The following IFT172 variants were observed in gnomAD, a reference collection of about 807,000 sequenced individuals.
The protein encoded by IFT172 is intraflagellar transport protein 172 homolog.
In IFT172, 164 loss-of-function variants were observed where a neutral mutation model predicts 248.9. That is an observed-to-expected ratio of 0.66 (90% CI 0.58 to 0.75). The LOEUF (loss-of-function observed/expected upper bound fraction) is 0.75. Among genes scored for constraint, IFT172 ranks in the 30% least tolerant of loss-of-function variants. The pLI is 0.00. For missense variants in IFT172, 1,950 were observed against 2,192.4 expected (o/e 0.89, Z 2.21); for synonymous variants, 729 against 791.6 (o/e 0.92, Z 1.33).
At position 27,483,312 on chromosome 2, in the gene IFT172, C is replaced by T. The variant is rs1276984398; in HGVS notation, c.547G>A (p.Asp183Asn). The T allele has an allele frequency of 6.2e-7, 1 of 1,601,824 alleles. No homozygotes were observed. Among genetic ancestry groups the T allele is most frequent in the African/African-American group, 1.3e-5 (1 of 74,786 alleles). ...DGTIVRYFFD[D>N]EGSGESQGKL... is the part of the protein sequence containing the mutation. ...ACCTGTGACTCTCCAGAGCCTTCAT[C>T]ATCAAAGAAATACCTAACGATGGTA... is the stretch of plus-strand genomic sequence containing the variant. The change falls in exon 7 of 48, where the codon GAT becomes AAT. Residue 183 changes from aspartate to asparagine, a missense_variant. Asp to Asn is a conservative substitution (Grantham distance 23). Around this residue, in one of 3 missense-constraint regions of IFT172, gnomAD observed 1,166 missense variants for 1,254.1 expected, o/e 0.93. Coordinates refer to ENST00000260570, the MANE Select transcript of IFT172 (RefSeq NM_015662.3).
At position 27,471,061 on chromosome 2, in the gene IFT172, G is replaced by T. The variant is rs746692750; in HGVS notation, c.1559C>A (p.Thr520Lys). Residue 520 changes from threonine (T) to lysine (K), a missense_variant, in exon 16 of 48, where the codon ACA (threonine) becomes AAA (lysine). This residue lies in a region of IFT172 where 1,166 missense variants were observed against 1,254.1 expected (regional missense o/e 0.93). Transcript: ENST00000260570. ...HLYDIESCSK[T>K]MILNFCSYMQ... ...ATAGGAGCAGAAGTTGAGGATCATT[G>T]TCTTAGAGCAGCTTTCAATATCATA... 3 of 1,610,760 alleles carry T rather than the reference G, an allele frequency of 1.9e-6. No homozygotes were observed. Among genetic ancestry groups the T allele is most frequent in the Admixed American group, 3.4e-5 (2 of 58,780 alleles).
chr2:27,488,944 T>C (rs1668962244), intron 1 of IFT172, among the ~76,000 whole-genome samples: 1 of 152,192 alleles, frequency 6.6e-6, no homozygotes, highest in Non-Finnish European at 1.5e-5. Flanking sequence ...TGGGAGGCTA[T>C]GGCAGGAAAA....
rs141836575 is a variant in IFT172 at position 27,473,422 on chromosome 2, C to T, written c.1412-1060G>A. Among the ~76,000 whole-genome samples, 713 of 147,352 alleles carry T rather than the reference C, an allele frequency of 4.8e-3. 9 individuals carry two copies. The highest frequency in any genetic ancestry group is 0.017 in the African/African-American group (675 of 40,228). On this transcript the variant is annotated intron_variant, in intron 14 of 47. Coordinates refer to ENST00000260570, the MANE Select transcript of IFT172 (RefSeq NM_015662.3). The stretch of plus-strand genomic sequence containing the variant: ...ATAAAGCCGTATTTTTTTTTTCTCC[C>T]GCCTCAGCCTCCTGAGTAGCTGGGA...
intron 13 of IFT172, chr2:27,476,990 A>AT (rs1668001942): frequency 1.7e-6 from 1 of 590,272 alleles, no homozygotes; most frequent in Non-Finnish European, 3.0e-6. Context: ...TGCCTGGATA[A>AT]TTTTTTGTAT....
chr2:27,455,619 G>A (rs1572743645), intron 30 of IFT172: 2 of 217,158 alleles, frequency 9.2e-6, no homozygotes, highest in Non-Finnish European at 9.2e-6. Context: ...GCTGAGGCAG[G>A]AGAATGGCTT....
Position 27,445,457 on chromosome 2 carries a change from G to A in IFT172, c.4915-8C>T. The A allele has an allele frequency of 6.2e-7, 1 of 1,607,490 alleles. No homozygotes were observed. The highest frequency in any genetic ancestry group is 2.2e-5 in the East Asian group (1 of 44,764). Reference sequence around the variant, plus strand: ...CTCTTCTCTCTCAGCCTCCTGGAAAGGACAAGAAGGGAGTGGTAGCTTCAC... The same window carrying A: ...CTCTTCTCTCTCAGCCTCCTGGAAAAGACAAGAAGGGAGTGGTAGCTTCAC... On this transcript the variant is annotated splice_polypyrimidine_tract_variant and splice_region_variant and intron_variant, in intron 45 of 47. Coordinates refer to ENST00000260570, the MANE Select transcript of IFT172 (RefSeq NM_015662.3). The surrounding 1 kb of genome is among the most constrained non-coding windows in gnomAD (Gnocchi z 4.4).
In IFT172 at chr2:27,449,494, C is replaced by A; in HGVS notation, c.4224+5G>T. ...TCTGCCTCCTGCTAACTCTCCAAGT[C>A]TCACCGAGTCCACTTTGCCCTGATT... On this transcript the variant is annotated splice_donor_5th_base_variant and intron_variant, in intron 38 of 47. Transcript: ENST00000260570. The A allele has an allele frequency of 6.2e-7, 1 of 1,614,178 alleles. No individual in the cohort carries two copies. Among genetic ancestry groups the A allele is most frequent in the South Asian group, 1.1e-5 (1 of 91,078 alleles).
In IFT172 at chr2:27,461,838, T is replaced by G. The variant is rs1393522194; in HGVS notation, c.2116-2A>C. 1.2e-6 allele frequency: 2 copies of G among 1,613,950 alleles called. No individual in the cohort carries two copies. The highest frequency in any genetic ancestry group is 1.7e-5 in the Admixed American group (1 of 59,988). ...GCCCATGGCCTCCTCCACAGCATTCTAGGGGAAACAGGCAGAGCAGAGAGG... is the reference window on the plus strand; with the variant it reads ...GCCCATGGCCTCCTCCACAGCATTCGAGGGGAAACAGGCAGAGCAGAGAGG... On this transcript the variant is annotated splice_acceptor_variant, in intron 20 of 47. Coordinates refer to ENST00000260570, the MANE Select transcript of IFT172 (RefSeq NM_015662.3). LOFTEE classifies it high-confidence loss of function.
At chr2:27,468,271 C>T (rs577119016) in intron 16 of IFT172, among the ~76,000 whole-genome samples, 14 of 151,334 alleles carry the variant, frequency 9.3e-5, no homozygotes, top group African/African-American at 3.2e-4. Context: ...CTTACTCTGT[C>T]GTTCAGGCTG....
intron 21 of IFT172, 50 bp downstream of exon 21, chr2:27,461,709 A>T: frequency 4.3e-6 from 7 of 1,611,612 alleles, no homozygotes; most frequent in Non-Finnish European, 5.9e-6. Flanking sequence ...AGGTTTTTGA[A>T]ATTGGCAGAA....
chr2:27,485,827 G>T (rs1473168459), intron 1 of IFT172, among the ~76,000 whole-genome samples: 4 of 152,176 alleles, frequency 2.6e-5, no homozygotes, highest in African/African-American at 9.7e-5. Context: ...GTAAGTTTTG[G>T]TCATTAGCCA....
intron 16 of IFT172, among the ~76,000 whole-genome samples, chr2:27,466,784 G>A (rs915068691): frequency 2.0e-5 from 3 of 151,982 alleles, no homozygotes; most frequent in African/African-American, 7.3e-5. Flanking sequence ...GACCAAGGTG[G>A]GAGGAGCACT....
rs776060941 is a variant in IFT172 at position 27,454,195 on chromosome 2, G to A, written c.3531-33C>T. On this transcript the variant is annotated intron_variant, in intron 32 of 47. Transcript: ENST00000260570. The surrounding 1 kb of genome is among the most constrained non-coding windows in gnomAD (Gnocchi z 4.2). Reference sequence around the variant, plus strand: ...CAGGTGGGGACAGAGGAGAGACTGAGTATAGGACTGAGGCCCCAATAGTGG... The same window carrying A: ...CAGGTGGGGACAGAGGAGAGACTGAATATAGGACTGAGGCCCCAATAGTGG... The A allele has an allele frequency of 5.0e-6, 8 of 1,605,586 alleles. No homozygotes were observed. The highest frequency in any genetic ancestry group is 1.7e-5 in the Admixed American group (1 of 59,556).
chr2:27,454,674 T>C lies in IFT172; in HGVS notation c.3372-14A>G. 1 of 1,612,782 alleles carries C rather than the reference T, an allele frequency of 6.2e-7. No homozygotes were observed. Among genetic ancestry groups the C allele is most frequent in the Non-Finnish European group, 8.5e-7 (1 of 1,179,052 alleles). ...AATTCAAAGGAGCTGAAACAGAAAG[T>C]GCAGATAAAGTTTTCTTGCTTCATG... On this transcript the variant is annotated splice_polypyrimidine_tract_variant and intron_variant, in intron 30 of 47. Transcript: ENST00000260570. The surrounding 1 kb of genome is among the most constrained non-coding windows in gnomAD (Gnocchi z 4.2).
intron 9 of IFT172, 26 bp downstream of exon 9, chr2:27,480,000 C>A: frequency 6.2e-7 from 1 of 1,604,276 alleles, no homozygotes; most frequent in African/African-American, 1.3e-5. Context: ...AGTCACCAAT[C>A]CAGAAAGGGA....
intron 3 of IFT172, 151 bp from the exon 4 acceptor site, chr2:27,484,417 C>A (rs183743342): frequency 1.1e-3 from 798 of 699,358 alleles, no homozygotes; most frequent in Non-Finnish European, 1.7e-3. Flanking sequence ...CAGTGAAACC[C>A]CGTCTCTACT....
chr2:27,462,880 A>G (rs1666791563), intron 19 of IFT172, 87 bp from the exon 20 acceptor site: 2 of 1,342,540 alleles, frequency 1.5e-6, no homozygotes, highest in Admixed American at 1.8e-5. Flanking sequence ...AGAAGGATGT[A>G]GAAAACAAAA....
chr2:27,445,730 A>G lies in IFT172; in HGVS notation c.4914+15T>C. ...ACTGGTGAGGCCTTCCGGTTTTCCA[A>G]CCCTGTGCCCTTACCGGTACATGCT... On this transcript the variant is annotated intron_variant, in intron 45 of 47. Coordinates refer to ENST00000260570, the MANE Select transcript of IFT172 (RefSeq NM_015662.3). This position sits in a 1 kb window ranked among gnomAD's most constrained non-coding sequence, Gnocchi z 4.4. 1 of 1,613,994 alleles carries G rather than the reference A, an allele frequency of 6.2e-7. No homozygotes were observed. The highest frequency in any genetic ancestry group is 8.5e-7 in the Non-Finnish European group (1 of 1,179,976).
chr2:27,476,634 T>C lies in IFT172; in HGVS notation c.1411+7A>G, dbSNP rs943078314. 5 of 1,485,046 alleles carry C rather than the reference T, an allele frequency of 3.4e-6. No homozygotes were observed. Among genetic ancestry groups the C allele is most frequent in the Non-Finnish European group, 3.8e-6 (4 of 1,065,094 alleles). The allele number at this position is 1,485,046 out of a possible 1,614,324, so 92.0% of individuals were successfully genotyped here. On this transcript the variant is annotated splice_region_variant and intron_variant, in intron 14 of 47. Transcript: ENST00000260570. ...TGTTATTAAAATTATGAGAGAGTCTTACTCACCTATAGCAATAGTCTTAAT... is the reference window on the plus strand; with the variant it reads ...TGTTATTAAAATTATGAGAGAGTCTCACTCACCTATAGCAATAGTCTTAAT...
Sources: allele counts gnomAD v4.1 joint callset (sites outside exome capture counted in the v4.1 genomes callset), GRCh38; gene constraint gnomAD v4.1.1; regional missense constraint gnomAD v4.1.1; non-coding constraint Gnocchi (gnomAD v3.1); transcripts MANE v1.5; gene names NCBI Gene and HGNC (gene_info 2026-07-23, HGNC 2026-07-21).